The following PCNX2 variants were observed in gnomAD, a reference collection of about 807,000 sequenced individuals.
The protein encoded by PCNX2 is pecanex-like protein 2.
Under a neutral mutation model 223.8 loss-of-function variants are expected in PCNX2, and 168 were observed. The ratio of observed to expected loss-of-function variants is 0.75; its 90% CI spans 0.66 to 0.85. The LOEUF is 0.85. PCNX2 is among the 40% of genes least tolerant of loss of function. The pLI is 0.00. For synonymous variants in PCNX2, 1,006 were observed against 1,052.6 expected (o/e 0.96, Z 0.86); for missense variants, 2,507 against 2,675.5 (o/e 0.94, Z 1.39).
rs570475186 is a variant in PCNX2 at position 233,235,100 on chromosome 1, C to G, written c.2358+1745G>C. Reference sequence around the variant, plus strand: ...TCCTCAGAAGTGCCCCTCTCAGGTCCACTTCCACCCACAGGTTTAGGAATC... The same window carrying G: ...TCCTCAGAAGTGCCCCTCTCAGGTCGACTTCCACCCACAGGTTTAGGAATC... On this transcript the variant is annotated intron_variant, in intron 9 of 33. Transcript: ENST00000258229. Among the ~76,000 whole-genome samples the G allele has an allele frequency of 3.4e-4, 51 of 152,104 alleles. 1 individual carries two copies. Among genetic ancestry groups the G allele is most frequent in the African/African-American group, 1.2e-3 (49 of 41,492 alleles).
chr1:233,182,464 C>T (rs1179790102), intron 15 of PCNX2, among the ~76,000 whole-genome samples: 1 of 152,198 alleles, frequency 6.6e-6, no homozygotes. Context: ...ATCCCACACT[C>T]TGTCCTTTGT....
At chr1:233,199,783 T>C (rs1367717675) in intron 14 of PCNX2, among the ~76,000 whole-genome samples, 2 of 147,454 alleles carry the variant, frequency 1.4e-5, no homozygotes, top group African/African-American at 5.2e-5. Context: ...CTTGAGCATG[T>C]GTGTGCTCAA....
intron 13 of PCNX2, 117 bp from the exon 14 acceptor site, chr1:233,200,381 ATCTT>A: frequency 2.3e-6 from 1 of 429,182 alleles, no homozygotes; most frequent in Non-Finnish European, 3.8e-6. Context: ...ACTGGAGGCA[ATCTT>A]TTTTTTTTTT....
At chr1:233,304,344 G>T in the PCNX2 span, among the ~76,000 whole-genome samples, 3 of 152,136 alleles carry the variant, frequency 2.0e-5, no homozygotes, top group East Asian at 5.8e-4. Context: ...TGTGGAGGGG[G>T]CAGAGAAAAG....
chr1:233,023,004 G>C (rs1343931078), intron 26 of PCNX2, among the ~76,000 whole-genome samples: 1 of 152,106 alleles, frequency 6.6e-6, no homozygotes, highest in East Asian at 1.9e-4. Context: ...GATGAGTCTA[G>C]CCTAATTCTT....
At chr1:233,324,210 A>C in the PCNX2 span, among the ~76,000 whole-genome samples, 7 of 152,264 alleles carry the variant, frequency 4.6e-5, no homozygotes, top group Non-Finnish European at 7.3e-5. Context: ...GAAAGAAGTC[A>C]TCTCAACGTA....
chr1:233,248,948 AT>A (rs1408302064), intron 8 of PCNX2, among the ~76,000 whole-genome samples: 1 of 152,230 alleles, frequency 6.6e-6, no homozygotes, highest in Non-Finnish European at 1.5e-5. Context: ...CAGGTTAAAT[AT>A]AAAAGAGCTG....
chr1:233,246,440 A>C (rs1659129037), intron 8 of PCNX2, among the ~76,000 whole-genome samples: 1 of 152,356 alleles, frequency 6.6e-6, no homozygotes, highest in South Asian at 2.1e-4. Flanking sequence ...TCCACTGGCC[A>C]CTTAGTATCT....
At chr1:233,106,573 C>T (rs1195939086) in intron 21 of PCNX2, among the ~76,000 whole-genome samples, 7 of 151,942 alleles carry the variant, frequency 4.6e-5, no homozygotes, top group East Asian at 1.9e-4. Flanking sequence ...AGGACGGTCT[C>T]GATCTCCTTA....
rs1253067623 is a variant in PCNX2, at chr1:233,253,762, T to C, written c.1835-974A>G. 1.4e-4 allele frequency among the ~76,000 whole-genome samples: 22 copies of C among 151,870 alleles called. No homozygotes were observed. Among genetic ancestry groups the C allele is most frequent in the Non-Finnish European group, 3.2e-4 (22 of 68,022 alleles). ...GAATTCCAAGATCAATAGGTACTGATTGTTTTTATTTTTTGCATTTTTTGA... is the reference window on the plus strand; with the variant it reads ...GAATTCCAAGATCAATAGGTACTGACTGTTTTTATTTTTTGCATTTTTTGA... On this transcript the variant is annotated intron_variant, in intron 5 of 33. Coordinates refer to ENST00000258229, the MANE Select transcript of PCNX2 (RefSeq NM_014801.4). The surrounding 1 kb of genome is among the most constrained non-coding windows in gnomAD (Gnocchi z 4.2).
At chr1:232,994,701 T>C (rs1669816169) in intron 32 of PCNX2, among the ~76,000 whole-genome samples, 1 of 152,122 alleles carries the variant, frequency 6.6e-6, no homozygotes, top group African/African-American at 2.4e-5. Flanking sequence ...GGGAGGGACC[T>C]GGTGGGAGGT....
intron 23 of PCNX2, among the ~76,000 whole-genome samples, chr1:233,074,594 C>CAAAAAAAAA (rs531631109): frequency 8.4e-5 from 4 of 47,708 alleles, no homozygotes; most frequent in East Asian, 1.6e-3. Context: ...GACTCCGTCT[C>CAAAAAAAAA]AAAAAAAAAA....
At position 233,160,310 on chromosome 1, in the gene PCNX2, T is replaced by C. The variant is rs201808512; in HGVS notation, c.3490A>G (p.Lys1164Glu). Residue 1164 changes from lysine to glutamate, a missense_variant, in exon 19 of 34, where the codon AAA (lysine) becomes GAA (glutamate). By Grantham distance (56) the Lys-to-Glu change is moderately conservative. This residue lies in a region of PCNX2 where 1,372 missense variants were observed against 1,509.4 expected (regional missense o/e 0.91). Transcript: ENST00000258229. Reference protein sequence around the residue: ...MWISHPILKNKEYHQREVRDV... With the variant: ...MWISHPILKNEEYHQREVRDV... Reference sequence around the variant, plus strand: ...CTCACTTCCCGTTGATGATACTCTTTGTTTTTGAGAATGGGGTGTGAAATC... The same window carrying C: ...CTCACTTCCCGTTGATGATACTCTTCGTTTTTGAGAATGGGGTGTGAAATC... The C allele has an allele frequency of 2.3e-4, 368 of 1,613,652 alleles. 1 individual carries two copies. Among genetic ancestry groups the C allele is most frequent in the Admixed American group, 4.3e-4 (26 of 59,992 alleles).
chr1:233,129,785 C>T (rs1388427810), intron 21 of PCNX2, among the ~76,000 whole-genome samples: 1 of 152,192 alleles, frequency 6.6e-6, no homozygotes, highest in African/African-American at 2.4e-5. Flanking sequence ...ACGGACCAAT[C>T]AGCTCTCCAT....
chr1:233,253,662 T>C lies in PCNX2; in HGVS notation c.1835-874A>G, dbSNP rs1282409701. Among the ~76,000 whole-genome samples the C allele has an allele frequency of 6.6e-6, 1 of 152,206 alleles. No individual in the cohort carries two copies. Among genetic ancestry groups the C allele is most frequent in the African/African-American group, 2.4e-5 (1 of 41,444 alleles). ...CACCCGGCCTGCTGATTTTGAACAA[T>C]ATGCTTAGCACTGTGTAGGACACAG... On this transcript the variant is annotated intron_variant, in intron 5 of 33. Transcript: ENST00000258229. This position sits in a 1 kb window ranked among gnomAD's most constrained non-coding sequence, Gnocchi z 4.2.
chr1:233,138,224 C>G (rs1416632282), intron 20 of PCNX2, among the ~76,000 whole-genome samples: 5 of 152,104 alleles, frequency 3.3e-5, no homozygotes, highest in African/African-American at 1.2e-4. Context: ...ACCTTTCTGA[C>G]TTTAGTGTCT....
intron 32 of PCNX2, 147 bp downstream of exon 32, chr1:232,998,104 C>G (rs796287561): frequency 1.3e-6 from 1 of 760,540 alleles, no homozygotes; most frequent in Non-Finnish European, 1.9e-6. Flanking sequence ...CTGAGCAGAA[C>G]CTACAAGAGT....
In PCNX2 at chr1:232,984,319, C is replaced by T; in HGVS notation, c.6399G>A (p.Val2133=). The T allele has an allele frequency of 1.2e-6, 2 of 1,608,078 alleles. No homozygotes were observed. Among genetic ancestry groups the T allele is most frequent in the South Asian group, 1.1e-5 (1 of 90,350 alleles). ...GLDDTASQQS[V]SDEQ ...CGCACGCCCGTCACTGCTCGTCTGACACACTTTGCTGCGAGGCCGTGTCGT... is the reference window on the plus strand; with the variant it reads ...CGCACGCCCGTCACTGCTCGTCTGATACACTTTGCTGCGAGGCCGTGTCGT... The change falls in exon 34 of 34, where the codon GTG becomes GTA. Residue 2133 remains valine, a synonymous_variant. Coordinates refer to ENST00000258229, the MANE Select transcript of PCNX2 (RefSeq NM_014801.4).
At chr1:233,029,478 A>G (rs1445136365) in intron 25 of PCNX2, among the ~76,000 whole-genome samples, 2 of 152,200 alleles carry the variant, frequency 1.3e-5, no homozygotes, top group Admixed American at 6.5e-5. Context: ...CATATTTGCC[A>G]TTTCTCACAA....
Sources: allele counts gnomAD v4.1 joint callset (sites outside exome capture counted in the v4.1 genomes callset), GRCh38; gene constraint gnomAD v4.1.1; regional missense constraint gnomAD v4.1.1; non-coding constraint Gnocchi (gnomAD v3.1); transcripts MANE v1.5; gene names NCBI Gene and HGNC (gene_info 2026-07-23, HGNC 2026-07-21).